Variants in SFXN3 observed in about 807,000 individuals in gnomAD.
The protein encoded by SFXN3 is sideroflexin 3.
SFXN3 carries 31 observed loss-of-function variants against 40.4 expected under a neutral mutation model. That is an observed-to-expected ratio of 0.77 (90% CI 0.58 to 1.04). The LOEUF is 1.04. Ranked by LOEUF, SFXN3 falls within the 50% of genes least tolerant of loss-of-function variation. SFXN3 has a pLI of 0.00. For missense variants in SFXN3, 366 were observed against 408.2 expected (o/e 0.90, Z 0.89); for synonymous variants, 157 against 160.0 (o/e 0.98, Z 0.14).
exon 4 of SFXN3, chr10:101,035,638 C>T (rs1031027483): frequency 6.2e-7 from 1 of 1,613,234 alleles, no homozygotes; most frequent in Non-Finnish European, 8.5e-7. Context: ...TGAACATGAC[C>T]ATCACTGGCT....
Position 101,036,997 on chromosome 10 carries a change from C to G in SFXN3, c.594-79C>G. On this transcript the variant is annotated intron_variant, in intron 7 of 11. Coordinates refer to ENST00000393459, the Ensembl canonical transcript of SFXN3. This position sits in a 1 kb window ranked among gnomAD's most constrained non-coding sequence, Gnocchi z 4.2. ...TGAGCCTGGGGTGTGTGAGGGGACC[C>G]TGAGGAGCCGCTGCTCATTCGGGCA... 6.3e-7 allele frequency: 1 copy of G among 1,581,174 alleles called. No individual in the cohort carries two copies. Among genetic ancestry groups the G allele is most frequent in the Admixed American group, 1.8e-5 (1 of 56,170 alleles).
chr10:101,038,148 T>G, intron 9 of SFXN3: 1 of 416,266 alleles, frequency 2.4e-6, no homozygotes. Flanking sequence ...GAGAAGAGTG[T>G]TTGGGGTACA....
rs376973148 is a variant in SFXN3 at position 101,036,148 on chromosome 10, C to T, written c.431+47C>T. 199 of 1,478,918 alleles carry T rather than the reference C, an allele frequency of 1.3e-4. No homozygotes were observed. The highest frequency in any genetic ancestry group is 1.8e-4 in the Non-Finnish European group (187 of 1,058,960). The allele number at this position is 1,478,918 out of a possible 1,614,324, so 91.6% of individuals were successfully genotyped here. A position where few individuals can be genotyped will look rare whatever the true frequency, so the allele number is the denominator to read the frequency against. On this transcript the variant is annotated intron_variant, in intron 5 of 11. Transcript: ENST00000393459. This position sits in a 1 kb window ranked among gnomAD's most constrained non-coding sequence, Gnocchi z 4.2. ...CAGCTGCACTGTCCCATCTGACCCT[C>T]TCCTCCCAGCCTGCAGTGCCCTCTC... is the stretch of plus-strand genomic sequence containing the variant.
chr10:101,036,902 T>C lies in SFXN3; in HGVS notation c.593+94T>C. On this transcript the variant is annotated intron_variant, in intron 7 of 11. Coordinates refer to ENST00000393459, the Ensembl canonical transcript of SFXN3. The surrounding 1 kb of genome is among the most constrained non-coding windows in gnomAD (Gnocchi z 4.2). The stretch of plus-strand genomic sequence containing the variant: ...CTCAGAATGGGGACATCCCTCTCCC[T>C]CCCCAGACATGAGCTGCTGGGCCCT... 6.5e-7 allele frequency: 1 copy of C among 1,532,068 alleles called. No individual in the cohort carries two copies. The highest frequency in any genetic ancestry group is 2.3e-5 in the East Asian group (1 of 42,642). 94.9% of individuals were successfully genotyped at this position (1,532,068 alleles called of 1,614,324 possible).
At chr10:101,038,534 T>G (rs1938729425) in intron 9 of SFXN3, 109 bp from the exon 10 acceptor site, 2 of 1,598,424 alleles carry the variant, frequency 1.3e-6, no homozygotes, top group Non-Finnish European at 1.7e-6. Context: ...CGGCCACAGG[T>G]CTAAGGGCTC....
chr10:101,035,932 GT>G, intron 4 of SFXN3, 70 bp from the exon 5 acceptor site: 2 of 1,425,428 alleles, frequency 1.4e-6, no homozygotes, highest in East Asian at 4.6e-5. Context: ...ATAACCTTTG[GT>G]TTCATTACAG....
chr10:101,038,108 C>CA, intron 9 of SFXN3: 3 of 288,108 alleles, frequency 1.0e-5, no homozygotes, highest in Non-Finnish European at 1.1e-5. Context: ...TTTAATGCCG[C>CA]AAAGGATGAG....
intron 9 of SFXN3, chr10:101,038,415 G>C: frequency 7.0e-7 from 1 of 1,425,338 alleles, no homozygotes; most frequent in East Asian, 2.5e-5. Context: ...ATTCTGAGAG[G>C]TGAGAGGTCA....
At chr10:101,035,620 G>C in exon 4 of SFXN3, 7 of 1,614,038 alleles carry the variant, frequency 4.3e-6, no homozygotes, top group Non-Finnish European at 5.9e-6. Context: ...TGTCAGCCCA[G>C]GTGCCCATGA....
intron 3 of SFXN3, 61 bp downstream of exon 3, chr10:101,034,916 A>G (rs1463573856): frequency 6.3e-7 from 1 of 1,576,210 alleles, no homozygotes; most frequent in Non-Finnish European, 8.6e-7. Context: ...TTAATATAAT[A>G]TGTTTTGTAC....
exon 1 of SFXN3, chr10:101,031,483 G>C (rs1298547609): frequency 1.3e-5 from 2 of 152,526 alleles, no homozygotes; most frequent in Non-Finnish European, 2.9e-5. Context: ...TCACGGGGCA[G>C]AGCGGGACGT....
chr10:101,035,725 A>G (rs1938564884), intron 4 of SFXN3, 58 bp downstream of exon 4: 1 of 1,553,442 alleles, frequency 6.4e-7, no homozygotes, highest in African/African-American at 1.4e-5. Context: ...TAGCTTGACT[A>G]GGTGCGCTTC....
chr10:101,033,827 T>G lies in SFXN3; in HGVS notation c.-3-865T>G, dbSNP rs182962562. ...CAAAAGAATCTATGTCATAATTAGG[T>G]TCAAGGGAAGGTACTATGCCTAGAT... On this transcript the variant is annotated intron_variant, in intron 2 of 11. Coordinates refer to ENST00000393459, the Ensembl canonical transcript of SFXN3. Among the ~76,000 whole-genome samples the G allele has an allele frequency of 1.7e-4, 26 of 152,038 alleles. 1 individual carries two copies. Among genetic ancestry groups the G allele is most frequent in the Non-Finnish European group, 3.2e-4 (22 of 68,002 alleles).
intron 9 of SFXN3, chr10:101,037,993 C>T: frequency 2.7e-6 from 1 of 366,254 alleles, no homozygotes; most frequent in Non-Finnish European, 3.9e-6. Flanking sequence ...CCAATAAATA[C>T]ATTCTTAGAA....
exon 10 of SFXN3, chr10:101,038,668 T>C (rs1938741470): frequency 6.2e-7 from 1 of 1,612,910 alleles, no homozygotes; most frequent in African/African-American, 1.3e-5. Context: ...GGGGCACCCC[T>C]GCAGGTGGGA....
In SFXN3 at chr10:101,036,413, G is replaced by A. The variant is rs573671058; in HGVS notation, c.432-73G>A. The A allele has an allele frequency of 1.4e-6, 2 of 1,419,144 alleles. No individual in the cohort carries two copies. Among genetic ancestry groups the A allele is most frequent in the Non-Finnish European group, 2.0e-6 (2 of 1,005,882 alleles). 87.9% of individuals were successfully genotyped at this position (1,419,144 alleles called of 1,614,324 possible). A position where few individuals can be genotyped will look rare whatever the true frequency, so the allele number is the denominator to read the frequency against. On this transcript the variant is annotated intron_variant, in intron 5 of 11. Coordinates refer to ENST00000393459, the Ensembl canonical transcript of SFXN3. This position sits in a 1 kb window ranked among gnomAD's most constrained non-coding sequence, Gnocchi z 4.2. ...TTATGCCTCATGTATTGAGGACTTG[G>A]CATATCCCTAAAGGAAAGGGCCACC... is the stretch of plus-strand genomic sequence containing the variant.
chr10:101,033,089 G>GCA (rs1938399679), intron 2 of SFXN3, among the ~76,000 whole-genome samples: 1 of 152,160 alleles, frequency 6.6e-6, no homozygotes, highest in Non-Finnish European at 1.5e-5. Context: ...GTGCCCACAT[G>GCA]CACACACATG....
exon 12 of SFXN3, chr10:101,040,552 C>T (rs1938848869): frequency 6.6e-6 from 1 of 151,000 alleles, no homozygotes; most frequent in Admixed American, 6.6e-5. Flanking sequence ...CCCGAATGTA[C>T]AATGTTAAGA....
intron 4 of SFXN3, 125 bp from the exon 5 acceptor site, chr10:101,035,878 C>G (rs1282832940): frequency 9.7e-6 from 11 of 1,133,066 alleles, no homozygotes; most frequent in African/African-American, 3.1e-5. Context: ...GTTACCAGAA[C>G]AGGTTCTAGG....
Sources: gnomAD v4.1 joint callset for allele counts (sites outside exome capture counted in the v4.1 genomes callset) on GRCh38, gnomAD v4.1.1 for gene constraint, Gnocchi (gnomAD v3.1) non-coding constraint, MANE v1.5 for transcripts, NCBI Gene and HGNC (gene_info 2026-07-23, HGNC 2026-07-21) for gene names.